Variants in CLEC2A observed in about 807,000 individuals in gnomAD.
CLEC2A encodes keratinocyte-associated C-type lectin.
In CLEC2A, 19 loss-of-function variants were observed where a neutral mutation model predicts 18.6. The ratio of observed to expected loss-of-function variants is 1.02; its 90% CI spans 0.71 to 1.50. The LOEUF (loss-of-function observed/expected upper bound fraction) is 1.50, where lower values mean the gene tolerates loss of function less well. CLEC2A is among the 40% of genes most tolerant of loss of function. CLEC2A has a pLI of 0.00. For synonymous variants in CLEC2A, 74 were observed against 64.0 expected, an observed-to-expected ratio of 1.16 and a Z score of -0.75; for missense variants, 190 against 207.9, an observed-to-expected ratio of 0.91 and a Z score of 0.53.
intron 4 of CLEC2A, among the ~76,000 whole-genome samples, chr12:9,901,305 C>T (rs190650846): frequency 1.3e-5 from 2 of 152,160 alleles, no homozygotes; most frequent in Non-Finnish European, 2.9e-5. Flanking sequence ...TATTATAAAC[C>T]ATCTTTGAAA....
downstream of CLEC2A, among the ~76,000 whole-genome samples, chr12:9,910,503 A>G (rs1862968626): frequency 6.6e-6 from 1 of 152,018 alleles, no homozygotes; most frequent in African/African-American, 2.4e-5. Flanking sequence ...CTCTCCTACT[A>G]GAGATTTCTT....
chr12:9,932,139 T>G, intron 1 of CLEC2A, 136 bp downstream of exon 1: 1 of 638,032 alleles, frequency 1.6e-6, no homozygotes. Context: ...CTTCCACAAT[T>G]CTCCGGAAGT....
intron 3 of CLEC2A, 64 bp downstream of exon 3, chr12:9,922,002 T>C: frequency 7.7e-7 from 1 of 1,297,776 alleles, no homozygotes. Context: ...TTAGCTATTA[T>C]TGTTTTATTA....
At chr12:9,906,294 G>C (rs1862907271) in intron 4 of CLEC2A, among the ~76,000 whole-genome samples, 1 of 152,104 alleles carries the variant, frequency 6.6e-6, no homozygotes, top group African/African-American at 2.4e-5. Flanking sequence ...ACTGCAATAG[G>C]GGGAGGAAGA....
intron 4 of CLEC2A, among the ~76,000 whole-genome samples, chr12:9,907,039 T>C (rs943227308): frequency 1.3e-5 from 2 of 152,198 alleles, no homozygotes; most frequent in African/African-American, 4.8e-5. Flanking sequence ...CCACTAATTT[T>C]CCCCCAAAGG....
At chr12:9,931,271 C>T (rs1242488239) in intron 1 of CLEC2A, among the ~76,000 whole-genome samples, 1 of 152,044 alleles carries the variant, frequency 6.6e-6, no homozygotes, top group African/African-American at 2.4e-5. Context: ...TACTAATGTC[C>T]AATTGTGTAA....
At chr12:9,903,287 G>A (rs1184124596) in intron 4 of CLEC2A, among the ~76,000 whole-genome samples, 1 of 152,046 alleles carries the variant, frequency 6.6e-6, no homozygotes, top group African/African-American at 2.4e-5. Flanking sequence ...ATGTAGGGGA[G>A]GTTTTTGTGA....
At chr12:9,911,326 G>A (rs1862982680), downstream of CLEC2A, among the ~76,000 whole-genome samples, 1 of 152,156 alleles carries the variant, frequency 6.6e-6, no homozygotes, top group Non-Finnish European at 1.5e-5. Flanking sequence ...AGAAAGAAGA[G>A]AGTACAAGAA....
chr12:9,932,362 G>T lies in CLEC2A; in HGVS notation c.-33C>A. ...CGCTAACCGATGGAGATCAGTAGGA[G>T]AGGACTAGAAAGCTTTTCATGTACA... is the stretch of plus-strand genomic sequence containing the variant. On this transcript the variant is annotated 5_prime_UTR_variant, in exon 1 of 5. Coordinates refer to ENST00000455827, the MANE Select transcript of CLEC2A (RefSeq NM_001130711.2). 1 of 1,550,958 alleles carries T rather than the reference G, an allele frequency of 6.4e-7. No homozygotes were observed. The highest frequency in any genetic ancestry group is 1.2e-5 in the South Asian group (1 of 83,950).
downstream of CLEC2A, among the ~76,000 whole-genome samples, chr12:9,912,091 A>G (rs1243636522): frequency 6.6e-6 from 1 of 152,176 alleles, no homozygotes; most frequent in African/African-American, 2.4e-5. Context: ...AAAGGAAAAA[A>G]AAATGTAAAG....
At chr12:9,925,647 T>C (rs1863256601) in intron 2 of CLEC2A, among the ~76,000 whole-genome samples, 1 of 83,440 alleles carries the variant, frequency 1.2e-5, no homozygotes, top group Non-Finnish European at 2.4e-5. Context: ...AGAACTGATG[T>C]TTATGTGGGA....
downstream of CLEC2A, among the ~76,000 whole-genome samples, chr12:9,910,795 C>T (rs1862973321): frequency 6.6e-6 from 1 of 152,120 alleles, no homozygotes; most frequent in Non-Finnish European, 1.5e-5. Flanking sequence ...TGGGGGAGGT[C>T]CTGATCCCTT....
chr12:9,918,988 G>A (rs890365918), intron 3 of CLEC2A, among the ~76,000 whole-genome samples: 2 of 152,202 alleles, frequency 1.3e-5, no homozygotes, highest in Non-Finnish European at 2.9e-5. Context: ...GATTTGAGGT[G>A]TGATCCAGTA....
chr12:9,880,520 A>ATGTGTGTGTG, the CLEC2A span, among the ~76,000 whole-genome samples: 2,462 of 147,294 alleles, frequency 0.017, 29 homozygotes, highest in Middle Eastern at 0.038. Flanking sequence ...AACCATTAGC[A>ATGTGTGTGTG]TGTGTGTGTG....
chr12:9,894,729 T>A (rs550836221), downstream of CLEC2A, among the ~76,000 whole-genome samples: 1 of 152,210 alleles, frequency 6.6e-6, no homozygotes, highest in Non-Finnish European at 1.5e-5. Flanking sequence ...CCTGGATACA[T>A]CTATTCTACA....
chr12:9,911,282 G>A (rs2896049), downstream of CLEC2A, among the ~76,000 whole-genome samples: 8,474 of 152,128 alleles, frequency 0.056, 282 homozygotes, highest in Non-Finnish European at 0.075. Context: ...GGCATGTCAG[G>A]GCACAGCAAG....
chr12:9,902,233 ATTTT>A (rs3994065), intron 4 of CLEC2A, among the ~76,000 whole-genome samples: 2 of 132,566 alleles, frequency 1.5e-5, no homozygotes, highest in African/African-American at 2.8e-5. Context: ...AAGGTTTGCC[ATTTT>A]TTTTTTTTTT....
At position 9,913,650 on chromosome 12, in the gene CLEC2A, A is replaced by G. The variant is rs1219611342; in HGVS notation, c.441T>C (p.Ala147=). ...TATGGACTCCATCAGCACTCAAGAA[A>G]GCAAAGGATCCGTTCCCTATAATTT... is the stretch of plus-strand genomic sequence containing the variant. The part of the protein sequence containing the change: ...WFEIIGNGSF[A]FLSADGVHSS... Residue 147 remains alanine, a synonymous_variant, in exon 5 of 5, where the codon GCT becomes GCC. Transcript: ENST00000455827. The G allele has an allele frequency of 6.5e-7, 1 of 1,549,576 alleles. No individual in the cohort carries two copies. The highest frequency in any genetic ancestry group is 8.7e-7 in the Non-Finnish European group (1 of 1,146,784).
chr12:9,912,181 A>ACTTTC (rs1406065066), downstream of CLEC2A, among the ~76,000 whole-genome samples: 1 of 152,226 alleles, frequency 6.6e-6, no homozygotes, highest in African/African-American at 2.4e-5. Context: ...ATTCTTATGA[A>ACTTTC]AGTGGATGCT....
Sources: allele counts gnomAD v4.1 joint callset (sites outside exome capture counted in the v4.1 genomes callset), GRCh38; gene constraint gnomAD v4.1.1; transcripts MANE v1.5; gene names NCBI Gene and HGNC (gene_info 2026-07-23, HGNC 2026-07-21).